The following WWOX variants were observed in gnomAD, a reference collection of about 807,000 sequenced individuals.
WWOX encodes WW domain containing oxidoreductase, also known as WW domain-containing oxidoreductase.
In WWOX, 69 loss-of-function variants were observed where a neutral mutation model predicts 46.2. The observed-to-expected ratio is 1.49, with a 90% CI of 1.23 to 1.82. The LOEUF (loss-of-function observed/expected upper bound fraction) is 1.82, where lower values mean the gene tolerates loss of function less well. WWOX is among the 40% of genes most tolerant of loss of function. The pLI, the probability that WWOX is intolerant of heterozygous loss-of-function variation, is 0.00. For missense variants in WWOX, 919 were observed against 542.6 expected (o/e 1.69, Z -6.89); for synonymous variants, 359 against 202.6 (o/e 1.77, Z -6.56).
intron 8 of WWOX, among the ~76,000 whole-genome samples, chr16:79,055,199 C>T (rs2048239294): frequency 6.6e-6 from 1 of 152,180 alleles, no homozygotes; most frequent in South Asian, 2.1e-4. Flanking sequence ...CAGTGATTAC[C>T]AGGACACTTG....
intron 5 of WWOX, among the ~76,000 whole-genome samples, chr16:78,284,738 G>A (rs1318066930): frequency 6.6e-6 from 1 of 152,120 alleles, no homozygotes; most frequent in Non-Finnish European, 1.5e-5. Flanking sequence ...GAATTTCCTG[G>A]TAGAAGTTTA....
At chr16:78,297,724 G>T (rs940754252) in intron 5 of WWOX, among the ~76,000 whole-genome samples, 2 of 152,060 alleles carry the variant, frequency 1.3e-5, no homozygotes, top group African/African-American at 4.8e-5. Context: ...AGCCTATGGA[G>T]ACCTATGCAT....
chr16:78,732,638 G>C (rs1323853573), intron 8 of WWOX, among the ~76,000 whole-genome samples: 1 of 152,240 alleles, frequency 6.6e-6, no homozygotes, highest in African/African-American at 2.4e-5. Context: ...AGATTTATCA[G>C]AAATTAAAAC....
At chr16:78,846,062 C>T (rs1378629265) in intron 8 of WWOX, among the ~76,000 whole-genome samples, 1 of 152,130 alleles carries the variant, frequency 6.6e-6, no homozygotes, top group Non-Finnish European at 1.5e-5. Context: ...GAATCTGGCA[C>T]AAGTGGATTT....
chr16:78,699,341 C>T (rs2048164232), intron 8 of WWOX, among the ~76,000 whole-genome samples: 2 of 145,086 alleles, frequency 1.4e-5, no homozygotes, highest in South Asian at 2.2e-4. Context: ...TGAGACTGGG[C>T]AACATGGTGA....
At chr16:78,891,304 C>G (rs1295637071) in intron 8 of WWOX, 1 of 152,098 alleles carries the variant, frequency 6.6e-6, no homozygotes, top group African/African-American at 2.4e-5. Context: ...TGGCTTTCTC[C>G]TAAGTTCACC....
intron 8 of WWOX, among the ~76,000 whole-genome samples, chr16:78,765,228 G>A (rs561837691): frequency 6.6e-6 from 1 of 152,356 alleles, no homozygotes; most frequent in East Asian, 1.9e-4. Flanking sequence ...TCCAGCACGA[G>A]CAAAGGCAGA....
chr16:78,486,779 G>C (rs139431746), intron 8 of WWOX, among the ~76,000 whole-genome samples: 1 of 152,082 alleles, frequency 6.6e-6, no homozygotes, highest in Non-Finnish European at 1.5e-5. Context: ...TTACTGTCTT[G>C]GCCAGGCTGG....
At chr16:79,039,677 C>G (rs888266491) in intron 8 of WWOX, among the ~76,000 whole-genome samples, 1 of 152,148 alleles carries the variant, frequency 6.6e-6, no homozygotes, top group Non-Finnish European at 1.5e-5. Context: ...CTTGTGCCAT[C>G]TTTCTTAAGA....
At chr16:78,677,733 C>T (rs2047637103) in intron 8 of WWOX, among the ~76,000 whole-genome samples, 1 of 152,142 alleles carries the variant, frequency 6.6e-6, no homozygotes, top group Admixed American at 6.5e-5. Context: ...CACTGCCTGG[C>T]ACATAGGATA....
chr16:78,853,903 T>A (rs1478086793), intron 8 of WWOX, among the ~76,000 whole-genome samples: 2 of 152,204 alleles, frequency 1.3e-5, no homozygotes, highest in Admixed American at 6.5e-5. Context: ...CAGACATTGA[T>A]GTAATTTAAA....
At chr16:78,969,373 G>C (rs1239402336) in intron 8 of WWOX, among the ~76,000 whole-genome samples, 1 of 151,972 alleles carries the variant, frequency 6.6e-6, no homozygotes. Context: ...TGGTTCAAGG[G>C]ATTCTCGTGC....
chr16:78,679,697 G>A (rs1370298276), intron 8 of WWOX, among the ~76,000 whole-genome samples: 1 of 152,126 alleles, frequency 6.6e-6, no homozygotes, highest in African/African-American at 2.4e-5. Context: ...AATCATTTGT[G>A]ACAGAAGCTC....
intron 8 of WWOX, among the ~76,000 whole-genome samples, chr16:79,028,436 A>G (rs1442828892): frequency 6.6e-6 from 1 of 151,744 alleles, no homozygotes; most frequent in Non-Finnish European, 1.5e-5. Flanking sequence ...TATCTGTGGC[A>G]TTTGATTAGG....
chr16:78,860,677 A>T (rs1567609590), intron 8 of WWOX, among the ~76,000 whole-genome samples: 1 of 152,234 alleles, frequency 6.6e-6, no homozygotes, highest in Non-Finnish European at 1.5e-5. Context: ...CGTGAAAAAG[A>T]AGTGTTCTTC....
intron 8 of WWOX, among the ~76,000 whole-genome samples, chr16:78,704,235 A>T (rs1397282827): frequency 6.6e-6 from 1 of 151,820 alleles, no homozygotes; most frequent in Non-Finnish European, 1.5e-5. Flanking sequence ...AGTGCAACCT[A>T]CCTTAGCATT....
intron 8 of WWOX, among the ~76,000 whole-genome samples, chr16:78,506,104 C>T (rs964236456): frequency 6.6e-6 from 1 of 152,010 alleles, no homozygotes; most frequent in African/African-American, 2.4e-5. Flanking sequence ...GCAGGGGCTG[C>T]CTGGAGAAGG....
At chr16:78,871,474 G>C (rs894444780) in intron 8 of WWOX, among the ~76,000 whole-genome samples, 5 of 152,176 alleles carry the variant, frequency 3.3e-5, no homozygotes, top group Non-Finnish European at 5.9e-5. Flanking sequence ...TTCTGCACCT[G>C]GGTGGTCAGA....
intron 8 of WWOX, among the ~76,000 whole-genome samples, chr16:78,862,505 T>C (rs1009146712): frequency 1.3e-5 from 2 of 152,052 alleles, no homozygotes; most frequent in African/African-American, 4.8e-5. Flanking sequence ...TTTTTCTGTA[T>C]ATATGTATAA....
Sources: gnomAD v4.1 joint callset for allele counts (sites outside exome capture counted in the v4.1 genomes callset) on GRCh38, gnomAD v4.1.1 for gene constraint, MANE v1.5 for transcripts, NCBI Gene and HGNC (gene_info 2026-07-23, HGNC 2026-07-21) for gene names.